The following TBC1D12 variants were observed in gnomAD, a reference collection of about 807,000 sequenced individuals.
TBC1D12 encodes the protein TBC1 domain family member 12.
In TBC1D12, 56 loss-of-function variants were observed where a neutral mutation model predicts 86.7. That is an observed-to-expected ratio of 0.65 (90% confidence interval 0.52 to 0.81). TBC1D12 has a LOEUF of 0.81. Among genes scored for constraint, TBC1D12 ranks in the 30% least tolerant of loss-of-function variants. TBC1D12 has a pLI of 0.00. For missense variants in TBC1D12, 1,023 were observed against 1,038.8 expected (o/e 0.98, Z 0.21); for synonymous variants, 421 against 411.7 (o/e 1.02, Z -0.27).
intron 3 of TBC1D12, among the ~76,000 whole-genome samples, chr10:94,491,674 T>TA (rs1486211662): frequency 6.6e-6 from 1 of 152,204 alleles, no homozygotes; most frequent in Non-Finnish European, 1.5e-5. Flanking sequence ...TCCATCCTGC[T>TA]AGGGACATGA....
At chr10:94,476,490 A>G (rs2055990200) in intron 3 of TBC1D12, among the ~76,000 whole-genome samples, 2 of 152,158 alleles carry the variant, frequency 1.3e-5, no homozygotes, top group African/African-American at 4.8e-5. Flanking sequence ...AACCAGGCCA[A>G]TTCAAAGATT....
At chr10:94,505,858 A>G (rs1012418958) in intron 6 of TBC1D12, among the ~76,000 whole-genome samples, 1 of 152,326 alleles carries the variant, frequency 6.6e-6, no homozygotes, top group Admixed American at 6.5e-5. Context: ...ATAACAAAGT[A>G]AGATACAGAC....
intron 9 of TBC1D12, among the ~76,000 whole-genome samples, chr10:94,514,777 T>C (rs1462759702): frequency 6.6e-6 from 1 of 152,192 alleles, no homozygotes; most frequent in Admixed American, 6.5e-5. Context: ...TTTTGGGTAA[T>C]AGCCAGAAGT....
chr10:94,517,246 C>T (rs1057500303), intron 9 of TBC1D12, among the ~76,000 whole-genome samples: 3 of 152,004 alleles, frequency 2.0e-5, no homozygotes, highest in Admixed American at 6.6e-5. Flanking sequence ...GGTGTGGAGG[C>T]GCATGCCTGT....
At chr10:94,507,223 C>T in intron 6 of TBC1D12, 44 bp from the exon 7 acceptor site, 6 of 1,564,424 alleles carry the variant, frequency 3.8e-6, no homozygotes, top group Non-Finnish European at 5.2e-6. Flanking sequence ...AAATATATTT[C>T]TTTCCTATTA....
chr10:94,412,835 A>G (rs2054943979), intron 1 of TBC1D12, among the ~76,000 whole-genome samples: 7 of 152,202 alleles, frequency 4.6e-5, no homozygotes, highest in Admixed American at 4.6e-4. Flanking sequence ...TCAGATAGTT[A>G]TGGCTGATAG....
At chr10:94,454,305 A>C (rs2055594202) in intron 2 of TBC1D12, among the ~76,000 whole-genome samples, 1 of 152,104 alleles carries the variant, frequency 6.6e-6, no homozygotes, top group Admixed American at 6.5e-5. Flanking sequence ...TCCACCTCCC[A>C]GGTTCGAGCG....
chr10:94,492,256 G>C (rs1258483148), intron 3 of TBC1D12, among the ~76,000 whole-genome samples: 1 of 152,130 alleles, frequency 6.6e-6, no homozygotes, highest in African/African-American at 2.4e-5. Context: ...GCATCCACTG[G>C]AGGTCTTGGA....
chr10:94,485,764 T>C (rs2056151674), intron 3 of TBC1D12, among the ~76,000 whole-genome samples: 1 of 152,112 alleles, frequency 6.6e-6, no homozygotes, highest in African/African-American at 2.4e-5. Context: ...ATTACAACTC[T>C]GTAATTAAAT....
chr10:94,435,424 T>A (rs562807762), intron 1 of TBC1D12, among the ~76,000 whole-genome samples: 3 of 152,356 alleles, frequency 2.0e-5, no homozygotes, highest in East Asian at 3.8e-4. Flanking sequence ...ATTACAAATG[T>A]TACTCTGTTT....
rs1268926722 is a variant in TBC1D12, at chr10:94,501,092, G to GAATAAATA, written c.1519+768_1519+769insAAATAAAT. 2.7e-3 allele frequency among the ~76,000 whole-genome samples: 401 copies of GAATAAATA among 146,866 alleles called. 2 individuals carry two copies. The highest frequency in any genetic ancestry group is 9.5e-3 in the African/African-American group (380 of 39,974). On this transcript the variant is annotated intron_variant, in intron 6 of 12. Coordinates refer to ENST00000225235, the MANE Select transcript of TBC1D12 (RefSeq NM_015188.2). ...TGAATAAATGAATGAATGAATGAATGAATGAATAAATAAATAAATAAATAA... is the reference window on the plus strand; with the variant it reads ...TGAATAAATGAATGAATGAATGAATGAATAAATAAATGAATAAATAAATAAATAAATAA...
intron 6 of TBC1D12, among the ~76,000 whole-genome samples, chr10:94,500,639 GAA>G (rs1233230719): frequency 6.6e-6 from 1 of 152,042 alleles, no homozygotes; most frequent in Non-Finnish European, 1.5e-5. Context: ...CAAGAAAAAA[GAA>G]AATAGTCAAT....
At chr10:94,451,043 GT>G in intron 2 of TBC1D12, among the ~76,000 whole-genome samples, 1 of 152,150 alleles carries the variant, frequency 6.6e-6, no homozygotes, top group South Asian at 2.1e-4. Context: ...GTGGTGGGGA[GT>G]GCATGTTAGG....
At chr10:94,507,162 C>T in intron 6 of TBC1D12, 105 bp from the exon 7 acceptor site, 1 of 1,073,692 alleles carries the variant, frequency 9.3e-7, no homozygotes, top group South Asian at 1.5e-5. Flanking sequence ...ATGCTTGCTA[C>T]ATCAGAGAGA....
intron 11 of TBC1D12, among the ~76,000 whole-genome samples, chr10:94,525,609 G>A (rs1401864623): frequency 1.2e-4 from 18 of 149,278 alleles, no homozygotes; most frequent in South Asian, 2.2e-4. Flanking sequence ...GCAGTGAGCC[G>A]GGATCACGCC....
chr10:94,447,980 A>C (rs2055495179), intron 2 of TBC1D12, among the ~76,000 whole-genome samples: 1 of 151,458 alleles, frequency 6.6e-6, no homozygotes, highest in South Asian at 2.1e-4. Context: ...GGCATCTTTA[A>C]TGTGAAAACG....
At chr10:94,459,848 G>A (rs1454857346) in intron 2 of TBC1D12, among the ~76,000 whole-genome samples, 4 of 152,152 alleles carry the variant, frequency 2.6e-5, no homozygotes, top group African/African-American at 7.2e-5. Flanking sequence ...CGTGAGTGCC[G>A]CACGCAGCCA....
At chr10:94,411,239 A>ATTTT (rs746119452) in intron 1 of TBC1D12, among the ~76,000 whole-genome samples, 77 of 152,022 alleles carry the variant, frequency 5.1e-4, no homozygotes, top group Non-Finnish European at 1.0e-3. Context: ...TTCTAGATCT[A>ATTTT]TTTTTTCTTA....
At chr10:94,501,897 C>G (rs968481258) in intron 6 of TBC1D12, among the ~76,000 whole-genome samples, 1 of 151,934 alleles carries the variant, frequency 6.6e-6, no homozygotes, top group Non-Finnish European at 1.5e-5. Context: ...GACATGGTGG[C>G]TCATGCCTGT....
Sources: gnomAD v4.1 joint callset for allele counts (sites outside exome capture counted in the v4.1 genomes callset) on GRCh38, gnomAD v4.1.1 for gene constraint, MANE v1.5 for transcripts, NCBI Gene and HGNC (gene_info 2026-07-23, HGNC 2026-07-21) for gene names.